Variants in RGS6 observed in about 807,000 individuals in gnomAD.
RGS6 encodes the protein regulator of G protein signaling 6, also known as regulator of G-protein signaling 6.
RGS6 carries 30 observed loss-of-function variants against 78.5 expected under a neutral mutation model. The ratio of observed to expected loss-of-function variants is 0.38; its 90% confidence interval spans 0.29 to 0.52. RGS6 has a LOEUF of 0.52. Ranked by LOEUF, RGS6 falls within the 20% of genes least tolerant of loss-of-function variation. RGS6 has a pLI of 0.85. For synonymous variants in RGS6, 206 were observed against 206.0 expected (o/e 1.00, Z 0.00); for missense variants, 495 against 609.7 (o/e 0.81, Z 1.98).
intron 3 of RGS6, among the ~76,000 whole-genome samples, chr14:72,432,134 T>C (rs1349235423): frequency 6.6e-6 from 1 of 152,200 alleles, no homozygotes; most frequent in East Asian, 1.9e-4. Flanking sequence ...ATTCAGGCTC[T>C]GCTGATTAGA....
At chr14:72,187,315 A>C (rs4902995) in intron 2 of RGS6, among the ~76,000 whole-genome samples, 13,852 of 152,224 alleles carry the variant, frequency 0.091, 1,088 homozygotes, top group African/African-American at 0.21. Flanking sequence ...CACAAAGATG[A>C]CATTTTTTTC....
At chr14:72,395,972 G>A (rs1167837796) in intron 3 of RGS6, among the ~76,000 whole-genome samples, 3 of 152,062 alleles carry the variant, frequency 2.0e-5, no homozygotes, top group African/African-American at 7.3e-5. Flanking sequence ...TTGCTATTGT[G>A]AATAGTGCCG....
intron 4 of RGS6, 104 bp downstream of exon 4, chr14:72,454,682 A>T (rs1451112519): frequency 1.2e-6 from 1 of 806,144 alleles, no homozygotes; most frequent in African/African-American, 1.7e-5. Context: ...CTGGTCTTGT[A>T]AATGTGAATT....
In RGS6 at chr14:72,415,505, G is replaced by A. The variant is rs138413388; in HGVS notation, c.185-39023G>A. On this transcript the variant is annotated intron_variant, in intron 3 of 17. Coordinates refer to ENST00000553525, the MANE Select transcript of RGS6 (RefSeq NM_001204424.2). ...CGCTTCCTGGATGAGGCGATGCCTC[G>A]CCCTGCTTTGGCTCACGCACGGTGC... Among the ~76,000 whole-genome samples the A allele has an allele frequency of 4.8e-3, 737 of 152,334 alleles. 3 individuals carry two copies. Among genetic ancestry groups the A allele is most frequent in the African/African-American group, 0.017 (691 of 41,572 alleles).
At chr14:71,899,463 C>A in the RGS6 span, among the ~76,000 whole-genome samples, 1 of 152,204 alleles carries the variant, frequency 6.6e-6, no homozygotes, top group Non-Finnish European at 1.5e-5. Flanking sequence ...TTTACCTCTA[C>A]CACAATGAGT....
At chr14:72,524,011 C>T (rs929601216) in intron 15 of RGS6, among the ~76,000 whole-genome samples, 7 of 152,060 alleles carry the variant, frequency 4.6e-5, no homozygotes, top group South Asian at 2.1e-4. Flanking sequence ...CTTTACAGCC[C>T]GCTAAGGATT....
intron 3 of RGS6, among the ~76,000 whole-genome samples, chr14:72,356,399 G>C (rs146731855): frequency 6.6e-6 from 1 of 152,010 alleles, no homozygotes; most frequent in African/African-American, 2.4e-5. Context: ...TGAGGCCTCC[G>C]CAGCCATGTA....
chr14:72,351,186 A>T (rs1412793424), intron 2 of RGS6, among the ~76,000 whole-genome samples: 1 of 152,190 alleles, frequency 6.6e-6, no homozygotes, highest in Non-Finnish European at 1.5e-5. Flanking sequence ...ATAAAACGTG[A>T]TAATACTAAA....
chr14:72,021,302 A>G (rs1324469849), intron 2 of RGS6, among the ~76,000 whole-genome samples: 1 of 152,000 alleles, frequency 6.6e-6, no homozygotes, highest in African/African-American at 2.4e-5. Flanking sequence ...AGCCTCCTCA[A>G]TGATCTTAGC....
intron 2 of RGS6, among the ~76,000 whole-genome samples, chr14:72,299,238 C>T (rs2065544159): frequency 1.3e-5 from 2 of 152,266 alleles, no homozygotes; most frequent in South Asian, 4.1e-4. Context: ...TTTTATCACC[C>T]TAACAAGAAA....
chr14:72,424,237 T>C (rs866240276), intron 3 of RGS6, among the ~76,000 whole-genome samples: 14 of 152,340 alleles, frequency 9.2e-5, no homozygotes, highest in African/African-American at 3.1e-4. Flanking sequence ...CTAGAATGTG[T>C]CAAGTGCTGT....
chr14:71,868,275 G>A, the RGS6 span, among the ~76,000 whole-genome samples: 1 of 152,116 alleles, frequency 6.6e-6, no homozygotes, highest in Non-Finnish European at 1.5e-5. Flanking sequence ...CCTATAAACA[G>A]GAACTGAACT....
intron 16 of RGS6, among the ~76,000 whole-genome samples, 192 bp from the exon 17 acceptor site, chr14:72,539,849 G>GCTTCTGT (rs1354001967): frequency 6.6e-6 from 1 of 152,208 alleles, no homozygotes; most frequent in South Asian, 2.1e-4. Flanking sequence ...TTTCTCGTGG[G>GCTTCTGT]CTTCTGTCTT....
At chr14:72,587,891 T>C in the RGS6 span, among the ~76,000 whole-genome samples, 1 of 152,152 alleles carries the variant, frequency 6.6e-6, no homozygotes, top group Non-Finnish European at 1.5e-5. Flanking sequence ...TCACAAATCC[T>C]GCAGCTTTGA....
intron 2 of RGS6, among the ~76,000 whole-genome samples, chr14:72,304,738 G>A (rs1429300212): frequency 6.6e-6 from 1 of 152,034 alleles, no homozygotes; most frequent in Non-Finnish European, 1.5e-5. Context: ...AATTAGCTGG[G>A]CGTGGTGGCA....
chr14:71,910,942 G>A, the RGS6 span, among the ~76,000 whole-genome samples: 1 of 152,116 alleles, frequency 6.6e-6, no homozygotes, highest in Non-Finnish European at 1.5e-5. Context: ...AGCTCTGTTG[G>A]TATGATTTTA....
At chr14:72,377,706 GTAATCCCAGCACTA>G (rs1207042792) in intron 3 of RGS6, among the ~76,000 whole-genome samples, 2 of 152,142 alleles carry the variant, frequency 1.3e-5, no homozygotes, top group Non-Finnish European at 2.9e-5. Context: ...CAGGCATGGT[GTAATCCCAGCACTA>G]TAATCCCAGC....
chr14:72,186,348 C>A (rs1408722925), intron 2 of RGS6, among the ~76,000 whole-genome samples: 1 of 152,244 alleles, frequency 6.6e-6, no homozygotes, highest in African/African-American at 2.4e-5. Flanking sequence ...CTGTATAGTA[C>A]ACCACCAAGC....
At chr14:72,571,051 T>C (rs1392122450), downstream of RGS6, among the ~76,000 whole-genome samples, 2 of 152,222 alleles carry the variant, frequency 1.3e-5, no homozygotes, top group Non-Finnish European at 1.5e-5. Flanking sequence ...TGAAAGTCTA[T>C]GAATGCTTAG....
Sources: allele counts gnomAD v4.1 joint callset (sites outside exome capture counted in the v4.1 genomes callset), GRCh38; gene constraint gnomAD v4.1.1; transcripts MANE v1.5; gene names NCBI Gene and HGNC (gene_info 2026-07-23, HGNC 2026-07-21).